PDE5A: variants seen among roughly 807,000 people sequenced by gnomAD.
The protein encoded by PDE5A is phosphodiesterase 5A.
In PDE5A, 67 loss-of-function variants were observed where a neutral mutation model predicts 110.2. The observed-to-expected ratio is 0.61, with a 90% CI of 0.50 to 0.75. The LOEUF is 0.75. Ranked by LOEUF, PDE5A falls within the 30% of genes least tolerant of loss-of-function variation. The pLI, the probability that PDE5A is intolerant of heterozygous loss-of-function variation, is 0.00. For missense variants in PDE5A, 862 were observed against 1,045.1 expected (o/e 0.82, Z 2.42); for synonymous variants, 328 against 351.2 (o/e 0.93, Z 0.74).
chr4:119,540,808 G>A (rs1340942466), intron 10 of PDE5A, among the ~76,000 whole-genome samples: 1 of 152,038 alleles, frequency 6.6e-6, no homozygotes, highest in Non-Finnish European at 1.5e-5. Flanking sequence ...TGAGGGGTTT[G>A]TGCCCTTGGC....
chr4:119,563,347 T>C (rs936837687), intron 5 of PDE5A, among the ~76,000 whole-genome samples: 1 of 152,222 alleles, frequency 6.6e-6, no homozygotes, highest in African/African-American at 2.4e-5. Flanking sequence ...TAAAACGCAC[T>C]GTTAATGTTG....
chr4:119,555,062 T>C (rs886528773), intron 7 of PDE5A, among the ~76,000 whole-genome samples: 2 of 152,162 alleles, frequency 1.3e-5, no homozygotes, highest in Admixed American at 6.6e-5. Flanking sequence ...CAGCTGCTTC[T>C]TGGGACAGTG....
At chr4:119,522,050 C>A (rs763417639) in intron 12 of PDE5A, among the ~76,000 whole-genome samples, 3 of 152,038 alleles carry the variant, frequency 2.0e-5, no homozygotes, top group Non-Finnish European at 4.4e-5. Context: ...CAACACAATA[C>A]GATTAGCTAC....
intron 19 of PDE5A, 191 bp downstream of exon 19, chr4:119,502,390 C>T (rs1364235874): frequency 2.2e-6 from 1 of 450,874 alleles, no homozygotes; most frequent in Non-Finnish European, 3.9e-6. Flanking sequence ...ACCCAAGAGT[C>T]TTTATTATGC....
At chr4:119,626,083 C>CAT (rs1379014978) in intron 1 of PDE5A, among the ~76,000 whole-genome samples, 2 of 152,146 alleles carry the variant, frequency 1.3e-5, no homozygotes, top group Admixed American at 6.5e-5. Flanking sequence ...TACACACATA[C>CAT]ATATATATAT....
chr4:119,526,973 T>C (rs1726344787), intron 11 of PDE5A: 1 of 152,176 alleles, frequency 6.6e-6, no homozygotes, highest in Admixed American at 6.6e-5. Flanking sequence ...TAGTTGTTTA[T>C]TCCAGCCTCC....
At chr4:119,531,810 T>C (rs530873967) in intron 11 of PDE5A, among the ~76,000 whole-genome samples, 1 of 152,096 alleles carries the variant, frequency 6.6e-6, no homozygotes, top group African/African-American at 2.4e-5. Flanking sequence ...ATTATCCTAA[T>C]TTTGCAGAGA....
rs1726497961 is a variant in PDE5A at position 119,530,652 on chromosome 4, T to C, written c.1633-4957A>G. On this transcript the variant is annotated intron_variant, in intron 11 of 20. Coordinates refer to ENST00000354960, the MANE Select transcript of PDE5A (RefSeq NM_001083.4). The stretch of plus-strand genomic sequence containing the variant: ...ATATATGACTTTTTATTCACTGTTA[T>C]ATTTGGAGCACCTAATATAATGCCT... Among the ~76,000 whole-genome samples the C allele has an allele frequency of 2.0e-5, 3 of 152,270 alleles. No individual in the cohort carries two copies. In the South Asian group the frequency reaches 6.2e-4, roughly 32 times the overall value.
intron 11 of PDE5A, chr4:119,538,757 C>A: frequency 2.1e-6 from 1 of 482,426 alleles, no homozygotes; most frequent in Non-Finnish European, 3.8e-6. Context: ...TACTGGAAAA[C>A]AAATATCAGA....
At chr4:119,562,359 G>C (rs1727772097) in intron 6 of PDE5A, among the ~76,000 whole-genome samples, 1 of 152,202 alleles carries the variant, frequency 6.6e-6, no homozygotes, top group Non-Finnish European at 1.5e-5. Context: ...GGGACCATTA[G>C]TAATACTCCT....
At chr4:119,518,927 T>G in intron 14 of PDE5A, 118 bp downstream of exon 14, 1 of 633,002 alleles carries the variant, frequency 1.6e-6, no homozygotes, top group South Asian at 2.2e-5. Flanking sequence ...TTCCTTTAAA[T>G]ATAACCAGAG....
At chr4:119,620,147 G>A (rs1232764509) in intron 1 of PDE5A, among the ~76,000 whole-genome samples, 4 of 152,184 alleles carry the variant, frequency 2.6e-5, no homozygotes, top group African/African-American at 4.8e-5. Context: ...AGAAGCAATG[G>A]TTTAGATGAT....
chr4:119,551,784 A>G (rs1727364959), intron 9 of PDE5A: 1 of 152,224 alleles, frequency 6.6e-6, no homozygotes, highest in South Asian at 2.1e-4. Flanking sequence ...TTGGAAAAGT[A>G]TTCAGACTTT....
intron 2 of PDE5A, among the ~76,000 whole-genome samples, chr4:119,603,811 C>A (rs1164684804): frequency 6.6e-6 from 1 of 152,090 alleles, no homozygotes; most frequent in Non-Finnish European, 1.5e-5. Flanking sequence ...TTAAAGTGGT[C>A]TACGATCAAA....
At chr4:119,624,458 T>C (rs560614177) in intron 1 of PDE5A, among the ~76,000 whole-genome samples, 1 of 152,248 alleles carries the variant, frequency 6.6e-6, no homozygotes, top group Non-Finnish European at 1.5e-5. Context: ...GAACCTCAAT[T>C]AATTCAGCAC....
intron 1 of PDE5A, among the ~76,000 whole-genome samples, chr4:119,611,825 G>A (rs1729759634): frequency 6.6e-6 from 1 of 152,128 alleles, no homozygotes; most frequent in African/African-American, 2.4e-5. Context: ...ACTTGCAGAG[G>A]AAAACATGTT....
chr4:119,528,786 T>A (rs1390419362), intron 11 of PDE5A: 1 of 152,180 alleles, frequency 6.6e-6, no homozygotes, highest in Non-Finnish European at 1.5e-5. Flanking sequence ...CCAAATGCCT[T>A]ACTGTAAGTG....
intron 3 of PDE5A, among the ~76,000 whole-genome samples, chr4:119,570,566 G>A (rs969543227): frequency 3.9e-5 from 6 of 152,196 alleles, no homozygotes; most frequent in African/African-American, 1.4e-4. Flanking sequence ...CAAAGGCCAA[G>A]ACTTGACTCT....
chr4:119,560,588 C>A (rs1428493808), intron 6 of PDE5A, among the ~76,000 whole-genome samples: 1 of 152,134 alleles, frequency 6.6e-6, no homozygotes, highest in Non-Finnish European at 1.5e-5. Flanking sequence ...CTGATTTTCT[C>A]TTGGAAGAAT....
Sources: allele counts gnomAD v4.1 joint callset (sites outside exome capture counted in the v4.1 genomes callset), GRCh38; gene constraint gnomAD v4.1.1; transcripts MANE v1.5; gene names NCBI Gene and HGNC (gene_info 2026-07-23, HGNC 2026-07-21).